The following RERE variants were observed in gnomAD, a reference collection of about 807,000 sequenced individuals.
RERE encodes the protein arginine-glutamic acid dipeptide repeats protein.
In RERE, 40 loss-of-function variants were observed where a neutral mutation model predicts 146.1. The observed-to-expected ratio is 0.27, with a 90% CI of 0.21 to 0.36. The LOEUF (loss-of-function observed/expected upper bound fraction) is 0.36, where lower values mean the gene tolerates loss of function less well. Ranked by LOEUF, RERE falls within the 10% of genes least tolerant of loss-of-function variation. The probability of loss-of-function intolerance (pLI) is 1.00; values close to 1 mark genes in which losing one functional copy is unlikely to be tolerated. For synonymous variants in RERE, 1,003 were observed against 866.0 expected (o/e 1.16, Z -2.78); for missense variants, 1,933 against 2,138.7 (o/e 0.90, Z 1.90).
At chr1:8,582,714 T>G (rs1646383027) in intron 4 of RERE, among the ~76,000 whole-genome samples, 1 of 151,968 alleles carries the variant, frequency 6.6e-6, no homozygotes, top group Non-Finnish European at 1.5e-5. Flanking sequence ...AGAGTGAAAC[T>G]CCATCTCAAA....
chr1:8,562,387 G>A (rs903179130), intron 4 of RERE, among the ~76,000 whole-genome samples: 2 of 152,168 alleles, frequency 1.3e-5, no homozygotes, highest in Non-Finnish European at 2.9e-5. Context: ...GCAGAATAAA[G>A]AGGGAAGTGA....
At chr1:8,684,440 A>C (rs1353601043) in intron 1 of RERE, among the ~76,000 whole-genome samples, 1 of 152,136 alleles carries the variant, frequency 6.6e-6, no homozygotes, top group African/African-American at 2.4e-5. Flanking sequence ...CCCTCCTCTC[A>C]TATGATGGAA....
chr1:8,667,337 G>A (rs1638599277), intron 1 of RERE, among the ~76,000 whole-genome samples: 1 of 152,180 alleles, frequency 6.6e-6, no homozygotes, highest in African/African-American at 2.4e-5. Flanking sequence ...AGGTGCCCCA[G>A]GAGGTTTCCA....
intron 3 of RERE, 37 bp from the exon 4 acceptor site, chr1:8,614,723 C>G: frequency 6.3e-7 from 1 of 1,583,506 alleles, no homozygotes; most frequent in Non-Finnish European, 8.6e-7. Context: ...ACGTGCCCAA[C>G]GCCCCATCAT....
intron 2 of RERE, among the ~76,000 whole-genome samples, chr1:8,638,651 A>G (rs1003610410): frequency 1.3e-5 from 2 of 152,136 alleles, no homozygotes; most frequent in Non-Finnish European, 2.9e-5. Flanking sequence ...CCATACAACA[A>G]ATGTTAACAG....
chr1:8,423,056 T>C lies in RERE; in HGVS notation c.1204-249A>G, dbSNP rs373871768. On this transcript the variant is annotated intron_variant, in intron 11 of 22. Coordinates refer to ENST00000400908, the MANE Select transcript of RERE (RefSeq NM_001042681.2). This position sits in a 1 kb window ranked among gnomAD's most constrained non-coding sequence, Gnocchi z 5.4. The stretch of plus-strand genomic sequence containing the variant: ...CAGCGCGTTTAAGAGAAGGACGTCC[T>C]GCGTCTGAGGCTAAGAAGCAATCTG... The C allele has an allele frequency of 3.2e-5, 15 of 469,690 alleles. No homozygotes were observed. The South Asian group carries it at 3.7e-4, about 12-fold the overall frequency. 29.1% of individuals were successfully genotyped at this position (469,690 alleles called of 1,614,324 possible). A position where few individuals can be genotyped will look rare whatever the true frequency, so the allele number is the denominator to read the frequency against.
At chr1:8,809,693 T>C (rs995278108) in intron 1 of RERE, among the ~76,000 whole-genome samples, 2 of 152,234 alleles carry the variant, frequency 1.3e-5, no homozygotes, top group Non-Finnish European at 2.9e-5. Flanking sequence ...AATGATGGCA[T>C]CTTGGAGTCA....
At chr1:8,694,974 G>GT (rs1557486302) in intron 1 of RERE, among the ~76,000 whole-genome samples, 1 of 26,870 alleles carries the variant, frequency 3.7e-5, no homozygotes, top group Admixed American at 3.7e-4. Context: ...GAAATCCTAA[G>GT]GGGGGGGGGG....
chr1:8,763,517 C>T (rs1046790908), intron 1 of RERE, among the ~76,000 whole-genome samples: 3 of 152,208 alleles, frequency 2.0e-5, no homozygotes, highest in African/African-American at 7.2e-5. Context: ...CGCCTGTAAT[C>T]CCAGCCACTC....
intron 1 of RERE, chr1:8,786,237 C>A: frequency 1.0e-6 from 1 of 961,616 alleles, no homozygotes; most frequent in South Asian, 1.3e-5. Context: ...CTGGTCCTCC[C>A]TGTTGCCAGC....
At chr1:8,501,071 C>T (rs1283563924) in intron 8 of RERE, among the ~76,000 whole-genome samples, 2 of 135,390 alleles carry the variant, frequency 1.5e-5, no homozygotes, top group African/African-American at 2.8e-5. Context: ...CCAGCCGCCC[C>T]GTCCGGGAGG....
At chr1:8,443,459 G>GAAA (rs144499944) in intron 11 of RERE, among the ~76,000 whole-genome samples, 90 of 112,770 alleles carry the variant, frequency 8.0e-4, no homozygotes, top group African/African-American at 2.0e-3. Flanking sequence ...CTCAAAAAAA[G>GAAA]AAAAAAAAAA....
Position 8,613,811 on chromosome 1 carries a change from C to T in RERE, c.522+750G>A, listed in dbSNP as rs1646819527. Among the ~76,000 whole-genome samples, 3 of 152,176 alleles carry T rather than the reference C, an allele frequency of 2.0e-5. No individual in the cohort carries two copies. In the South Asian group the frequency reaches 6.2e-4, roughly 32 times the overall value. On this transcript the variant is annotated intron_variant, in intron 4 of 22. Coordinates refer to ENST00000400908, the MANE Select transcript of RERE (RefSeq NM_001042681.2). ...ATAAATACTCGACTTTCAGAAAACACTACCATTAAATCCTCCATTAAGTCC... is the reference window on the plus strand; with the variant it reads ...ATAAATACTCGACTTTCAGAAAACATTACCATTAAATCCTCCATTAAGTCC...
chr1:8,701,287 TACACACAC>T (rs745905637), intron 1 of RERE, among the ~76,000 whole-genome samples: 43 of 93,644 alleles, frequency 4.6e-4, no homozygotes, highest in Non-Finnish European at 7.3e-4. Flanking sequence ...GTGAGGGGAA[TACACACAC>T]ACACACACAC....
intron 1 of RERE, among the ~76,000 whole-genome samples, chr1:8,720,304 C>T (rs1639837900): frequency 6.6e-6 from 1 of 151,246 alleles, no homozygotes; most frequent in Non-Finnish European, 1.5e-5. Flanking sequence ...ACTTAGAATA[C>T]ATCTATGAAC....
intron 1 of RERE, among the ~76,000 whole-genome samples, chr1:8,776,853 G>C (rs1450584347): frequency 1.3e-5 from 2 of 151,950 alleles, no homozygotes; most frequent in Non-Finnish European, 2.9e-5. Context: ...CGGAATAGCT[G>C]AGAGTGTAGG....
chr1:8,499,218 G>T (rs983876211), intron 8 of RERE, among the ~76,000 whole-genome samples: 2 of 152,198 alleles, frequency 1.3e-5, no homozygotes, highest in Non-Finnish European at 2.9e-5. Context: ...CATGAAGCCT[G>T]GGCAAACAAT....
chr1:8,434,390 CTCA>C (rs1471631820), intron 11 of RERE, among the ~76,000 whole-genome samples: 1 of 152,186 alleles, frequency 6.6e-6, no homozygotes, highest in Non-Finnish European at 1.5e-5. Flanking sequence ...GGTTGAAACC[CTCA>C]TATTACTGAT....
At chr1:8,801,001 G>A (rs548051978) in intron 1 of RERE, among the ~76,000 whole-genome samples, 88 of 151,920 alleles carry the variant, frequency 5.8e-4, no homozygotes, top group Non-Finnish European at 1.1e-3. Context: ...GCTCACGCCT[G>A]TAATCCTAGC....
Sources: gnomAD v4.1 joint callset for allele counts (sites outside exome capture counted in the v4.1 genomes callset) on GRCh38, gnomAD v4.1.1 for gene constraint, Gnocchi (gnomAD v3.1) non-coding constraint, MANE v1.5 for transcripts, NCBI Gene and HGNC (gene_info 2026-07-23, HGNC 2026-07-21) for gene names.